RGS21: variants seen among roughly 807,000 people sequenced by gnomAD.
RGS21 encodes the protein regulator of G protein signaling 21, also known as regulator of G-protein signalling 21.
In RGS21, 19 loss-of-function variants were observed where a neutral mutation model predicts 18.7. The observed-to-expected ratio is 1.01, with a 90% CI of 0.71 to 1.49. The LOEUF (loss-of-function observed/expected upper bound fraction) is 1.49, where lower values mean the gene tolerates loss of function less well. Ranked by LOEUF, RGS21 falls within the 40% of genes most tolerant of loss-of-function variation. The pLI is 0.00. For synonymous variants in RGS21, 56 were observed against 57.8 expected (o/e 0.97, Z 0.14); for missense variants, 194 against 176.8 (o/e 1.10, Z -0.55).
At chr1:192,337,484 A>C (rs1187631190) in intron 1 of RGS21, among the ~76,000 whole-genome samples, 7 of 152,220 alleles carry the variant, frequency 4.6e-5, no homozygotes, top group Non-Finnish European at 1.0e-4. Context: ...CTTTATTAAT[A>C]TCTCCCATGA....
chr1:192,348,208 T>A (rs2102232428), intron 3 of RGS21, among the ~76,000 whole-genome samples: 1 of 151,970 alleles, frequency 6.6e-6, no homozygotes, highest in African/African-American at 2.4e-5. Context: ...GTATTTTTAG[T>A]AGAGACAGGT....
chr1:192,365,391 T>C (rs1006556654), intron 4 of RGS21, among the ~76,000 whole-genome samples: 3 of 152,094 alleles, frequency 2.0e-5, no homozygotes, highest in Non-Finnish European at 2.9e-5. Context: ...TATGTAGATA[T>C]ATGTTCTGTG....
At chr1:192,329,574 A>G (rs1268402198) in intron 1 of RGS21, among the ~76,000 whole-genome samples, 3 of 152,158 alleles carry the variant, frequency 2.0e-5, no homozygotes, top group Admixed American at 2.0e-4. Flanking sequence ...TCTAACTTAA[A>G]AGAATATCTG....
chr1:192,330,918 GA>G (rs1658637364), intron 1 of RGS21, among the ~76,000 whole-genome samples: 1 of 152,214 alleles, frequency 6.6e-6, no homozygotes, highest in Non-Finnish European at 1.5e-5. Context: ...TTGATGAGCT[GA>G]GGGGTAACCA....
At position 192,366,038 on chromosome 1, in the gene RGS21, C is replaced by A; in HGVS notation, c.373C>A (p.Pro125Thr). Residue 125 changes from proline to threonine, a missense_variant, in exon 5 of 5, where the codon CCT becomes ACT. Pro to Thr is a conservative substitution (Grantham distance 38). Coordinates refer to ENST00000417209, the MANE Select transcript of RGS21 (RefSeq NM_001039152.3). ...IYCLMAKDSF[P>T]RFLKSEIYKK... Reference sequence around the variant, plus strand: ...TTGTCTCATGGCCAAGGATTCTTTCCCTCGATTTCTGAAGTCAGAGATTTA... The same window carrying A: ...TTGTCTCATGGCCAAGGATTCTTTCACTCGATTTCTGAAGTCAGAGATTTA... The A allele has an allele frequency of 1.9e-6, 3 of 1,611,250 alleles. No homozygotes were observed. The highest frequency in any genetic ancestry group is 2.5e-6 in the Non-Finnish European group (3 of 1,178,052).
chr1:192,332,510 T>C (rs573085833), intron 1 of RGS21, among the ~76,000 whole-genome samples: 1 of 152,276 alleles, frequency 6.6e-6, no homozygotes, highest in East Asian at 1.9e-4. Context: ...ATGGTTAGAA[T>C]ATAACAGGAG....
chr1:192,325,003 C>T (rs1658548336), intron 1 of RGS21, among the ~76,000 whole-genome samples: 1 of 151,978 alleles, frequency 6.6e-6, no homozygotes, highest in Non-Finnish European at 1.5e-5. Context: ...TTTTAATTTC[C>T]ACTATCCTTG....
chr1:192,353,959 A>G (rs1047861105), intron 4 of RGS21, among the ~76,000 whole-genome samples: 7 of 151,494 alleles, frequency 4.6e-5, no homozygotes, highest in Non-Finnish European at 1.0e-4. Flanking sequence ...AAATATGTAT[A>G]CCCCATGTTT....
Position 192,334,614 on chromosome 1 carries a change from C to T in RGS21, c.-60-8363C>T, listed in dbSNP as rs1004737078. ...TGTAAGAAACTTGGGACACAAAAAA[C>T]ACAGAAAAACACAGATGCTGAAGAG... is the stretch of plus-strand genomic sequence containing the variant. On this transcript the variant is annotated intron_variant, in intron 1 of 4. Transcript: ENST00000417209. Among the ~76,000 whole-genome samples, 8 of 151,770 alleles carry T rather than the reference C, an allele frequency of 5.3e-5. No individual in the cohort carries two copies. In the South Asian group the frequency reaches 6.2e-4, roughly 12 times the overall value.
intron 4 of RGS21, among the ~76,000 whole-genome samples, chr1:192,355,537 G>GA (rs201313830): frequency 7.8e-4 from 114 of 146,740 alleles, no homozygotes; most frequent in Non-Finnish European, 8.5e-4. Flanking sequence ...AAATATAGCA[G>GA]AAAAAAAAAA....
intron 4 of RGS21, among the ~76,000 whole-genome samples, chr1:192,362,350 TA>T (rs1341348065): frequency 1.9e-4 from 29 of 152,238 alleles, no homozygotes; most frequent in Middle Eastern, 6.8e-3. Context: ...AAATGTTGGT[TA>T]TAAAGCCCTA....
chr1:192,345,035 C>T (rs772571377), intron 2 of RGS21, among the ~76,000 whole-genome samples: 1 of 152,096 alleles, frequency 6.6e-6, no homozygotes, highest in Non-Finnish European at 1.5e-5. Context: ...CTTGGTTCTA[C>T]ACCATCTCCC....
At chr1:192,362,570 T>C (rs1659201376) in intron 4 of RGS21, among the ~76,000 whole-genome samples, 1 of 152,186 alleles carries the variant, frequency 6.6e-6, no homozygotes. Context: ...GGAGGTGTGA[T>C]GTTTTGTCAC....
intron 2 of RGS21, among the ~76,000 whole-genome samples, chr1:192,345,397 T>G (rs1031427125): frequency 6.6e-6 from 1 of 152,088 alleles, no homozygotes; most frequent in Non-Finnish European, 1.5e-5. Flanking sequence ...TTTTTATCAC[T>G]GTAATTTATC....
chr1:192,347,368 G>A lies in RGS21; in HGVS notation c.67G>A (p.Asp23Asn), dbSNP rs1319409964. Residue 23 changes from aspartate (D) to asparagine (N), a missense_variant, in exon 3 of 5, where the codon GAC (aspartate) becomes AAC (asparagine). By Grantham distance (23) the Asp-to-Asn change is conservative. Coordinates refer to ENST00000417209, the MANE Select transcript of RGS21 (RefSeq NM_001039152.3). Reference protein sequence around the residue: ...AETMTWSENMDTLLANQAGLD... With the variant: ...AETMTWSENMNTLLANQAGLD... Reference sequence around the variant, plus strand: ...AACAATGACATGGTCTGAAAATATGGACACGCTTTTAGCCAACCAAGGTAA... The same window carrying A: ...AACAATGACATGGTCTGAAAATATGAACACGCTTTTAGCCAACCAAGGTAA... 1 of 1,601,682 alleles carries A rather than the reference G, an allele frequency of 6.2e-7. No homozygotes were observed. Among genetic ancestry groups the A allele is most frequent in the Non-Finnish European group, 8.5e-7 (1 of 1,169,932 alleles).
At chr1:192,348,851 C>T (rs1658993787) in intron 3 of RGS21, among the ~76,000 whole-genome samples, 1 of 151,910 alleles carries the variant, frequency 6.6e-6, no homozygotes, top group Non-Finnish European at 1.5e-5. Flanking sequence ...ATATAAAACA[C>T]AATAGAGCTG....
At chr1:192,352,800 C>T (rs1487666119) in intron 4 of RGS21, among the ~76,000 whole-genome samples, 2 of 151,978 alleles carry the variant, frequency 1.3e-5, no homozygotes, top group Non-Finnish European at 2.9e-5. Flanking sequence ...TGCAATGACT[C>T]TGTTAATAGC....
rs1045498218 is a variant in RGS21, at chr1:192,324,111, A to G, written c.-61+7006A>G. ...CATGTAATCATTATTAACTGTTTCC[A>G]CAGACACATGTTTATTTCTCTACAG... On this transcript the variant is annotated intron_variant, in intron 1 of 4. Transcript: ENST00000417209. Among the ~76,000 whole-genome samples the G allele has an allele frequency of 2.0e-5, 3 of 152,072 alleles. No individual in the cohort carries two copies. The East Asian group carries it at 5.8e-4, about 29-fold the overall frequency.
intron 4 of RGS21, 123 bp from the exon 5 acceptor site, chr1:192,365,798 A>C: frequency 1.7e-6 from 1 of 583,702 alleles, no homozygotes; most frequent in Non-Finnish European, 3.0e-6. Context: ...GAATACATGA[A>C]CTTTCTGCTG....
Sources: gnomAD v4.1 joint callset for allele counts (sites outside exome capture counted in the v4.1 genomes callset) on GRCh38, gnomAD v4.1.1 for gene constraint, MANE v1.5 for transcripts, NCBI Gene and HGNC (gene_info 2026-07-23, HGNC 2026-07-21) for gene names.